The following TOB1 variants were observed in gnomAD, a reference collection of about 807,000 sequenced individuals.
The protein encoded by TOB1 is transducer of ERBB2, 1, also known as protein Tob1.
In TOB1, 2 loss-of-function variants were observed where a neutral mutation model predicts 22.9. The ratio of observed to expected loss-of-function variants is 0.09; its 90% CI spans 0.04 to 0.28. The LOEUF is 0.28. TOB1 is among the 10% of genes least tolerant of loss of function. TOB1 has a pLI of 1.00. For synonymous variants in TOB1, 154 were observed against 150.6 expected (o/e 1.02, Z -0.17); for missense variants, 299 against 420.5 (o/e 0.71, Z 2.53).
In TOB1 at chr17:50,862,627, A is replaced by C. The variant is rs1418173382; in HGVS notation, c.*353T>G. On this transcript the variant is annotated 3_prime_UTR_variant, in exon 2 of 2. Transcript: ENST00000499247. ...CATGTCGTAGAAACAATATATATAT[A>C]TCCTCTGATATTTTACAAACTTTGT... 5.7e-6 allele frequency: 1 copy of C among 176,150 alleles called. No homozygotes were observed. The highest frequency in any genetic ancestry group is 1.2e-5 in the Non-Finnish European group (1 of 84,086). The allele number at this position is 176,150 out of a possible 1,614,324, so 10.9% of individuals were successfully genotyped here. A position where few individuals can be genotyped will look rare whatever the true frequency, so the allele number is the denominator to read the frequency against.
At chr17:50,864,632 G>A (rs993327365) in intron 1 of TOB1, among the ~76,000 whole-genome samples, 6 of 152,072 alleles carry the variant, frequency 3.9e-5, no homozygotes, top group Non-Finnish European at 7.3e-5. Flanking sequence ...GATATATACT[G>A]TTTAAATCTG....
chr17:50,863,721 A>G lies in TOB1; in HGVS notation c.297T>C (p.Val99=), dbSNP rs773196834. 3.0e-5 allele frequency: 49 copies of G among 1,614,058 alleles called. 1 individual carries two copies. In the Middle Eastern group the frequency reaches 1.8e-3, roughly 60 times the overall value. The change falls in exon 2 of 2, where the codon GTT becomes GTC. Residue 99 remains valine (V), a synonymous_variant. Coordinates refer to ENST00000499247, the MANE Select transcript of TOB1 (RefSeq NM_005749.4). Reference sequence around the variant, plus strand: ...GTCCCTTTTCACCAATTTGGTAAGAAACCTCAAATGGGTCGATCCAAACAC... The same window carrying G: ...GTCCCTTTTCACCAATTTGGTAAGAGACCTCAAATGGGTCGATCCAAACAC... The part of the protein sequence containing the change: ...DLSVWIDPFE[V]SYQIGEKGPV...
intron 1 of TOB1, among the ~76,000 whole-genome samples, chr17:50,864,726 C>A (rs1230218377): frequency 6.6e-6 from 1 of 152,162 alleles, no homozygotes; most frequent in Non-Finnish European, 1.5e-5. Context: ...ATTAAAGACA[C>A]TGAGTACTAA....
chr17:50,863,003 A>G lies in TOB1; in HGVS notation c.1015T>C (p.Phe339Leu), dbSNP rs764958240. 1.7e-5 allele frequency: 28 copies of G among 1,612,600 alleles called. No homozygotes were observed. Among genetic ancestry groups the G allele is most frequent in the Non-Finnish European group, 2.3e-5 (27 of 1,179,128 alleles). Reference sequence around the variant, plus strand: ...TTTTAGTTAGCCATAACAGGCTGGAATTGCTGGTTAGAATACTGCATGTTA... The same window carrying G: ...TTTTAGTTAGCCATAACAGGCTGGAGTTGCTGGTTAGAATACTGCATGTTA... ...LNNMQYSNQQ[F>L]QPVMAN is the part of the protein sequence containing the mutation. The change falls in exon 2 of 2, where the codon TTC (phenylalanine) becomes CTC (leucine). Residue 339 changes from phenylalanine to leucine, a missense_variant. Coordinates refer to ENST00000499247, the MANE Select transcript of TOB1 (RefSeq NM_005749.4).
Position 50,863,273 on chromosome 17 carries a change from G to C in TOB1, c.745C>G (p.Pro249Ala). 1 of 1,613,440 alleles carries C rather than the reference G, an allele frequency of 6.2e-7. No homozygotes were observed. The highest frequency in any genetic ancestry group is 1.1e-5 in the South Asian group (1 of 91,060). The change falls in exon 2 of 2, where the codon CCG becomes GCG. Residue 249 changes from proline to alanine, a missense_variant. Coordinates refer to ENST00000499247, the MANE Select transcript of TOB1 (RefSeq NM_005749.4). ...TGTGGTGGTGGTGGTGGCGGTGGCG[G>C]CTGGGCTGGCTGCTGCTGTTGCTGT... is the stretch of plus-strand genomic sequence containing the variant. ...QPQQQQQPAQ[P>A]PPPPPPPQQQ...
upstream of TOB1, chr17:50,866,585 G>C (rs1972314505): frequency 6.6e-6 from 1 of 152,550 alleles, no homozygotes; most frequent in East Asian, 1.9e-4. Context: ...GGACGCAGGG[G>C]TGGGGAAGCC....
At chr17:50,867,049 G>T (rs1169596909), upstream of TOB1, 2 of 152,244 alleles carry the variant, frequency 1.3e-5, no homozygotes, top group African/African-American at 4.8e-5. Context: ...CGTGGAGCCG[G>T]GCTGGGGGTG....
intron 1 of TOB1, among the ~76,000 whole-genome samples, chr17:50,865,701 G>C (rs1014887266): frequency 6.6e-6 from 1 of 152,060 alleles, no homozygotes; most frequent in Non-Finnish European, 1.5e-5. Context: ...CAGAGCCTGG[G>C]GGAGCACCGG....
rs71149322 is a variant in TOB1 at position 50,864,056 on chromosome 17, CAAAAA to C, written c.-44_-40del. 0.026 allele frequency: 26,685 copies of C among 1,036,954 alleles called. 84 individuals are homozygous for C. The highest frequency in any genetic ancestry group is 0.13 in the South Asian group (4,139 of 32,154). The allele number at this position is 1,036,954 out of a possible 1,614,324, so 64.2% of individuals were successfully genotyped here. ...CAAAATTAGGTTTCAACTCCCCCAC[CAAAAA>C]AAAAAAAAAAAAAAAAAGATGTTCA... On this transcript the variant is annotated 5_prime_UTR_variant, in exon 2 of 2. Coordinates refer to ENST00000499247, the MANE Select transcript of TOB1 (RefSeq NM_005749.4).
Position 50,862,827 on chromosome 17 carries a change from A to C in TOB1, c.*153T>G, listed in dbSNP as rs1972233035. Reference sequence around the variant, plus strand: ...AAAATAACTTTGTGCTTGGTTGGCAAATGAAAAATGATGCATGTTTTATTA... The same window carrying C: ...AAAATAACTTTGTGCTTGGTTGGCACATGAAAAATGATGCATGTTTTATTA... On this transcript the variant is annotated 3_prime_UTR_variant, in exon 2 of 2. Coordinates refer to ENST00000499247, the MANE Select transcript of TOB1 (RefSeq NM_005749.4). The C allele has an allele frequency of 8.8e-7, 1 of 1,133,248 alleles. No homozygotes were observed. Among genetic ancestry groups the C allele is most frequent in the African/African-American group, 1.6e-5 (1 of 63,314 alleles). The allele number at this position is 1,133,248 out of a possible 1,614,324, so 70.2% of individuals were successfully genotyped here.
chr17:50,864,569 T>C (rs1425079671), intron 1 of TOB1, among the ~76,000 whole-genome samples: 2 of 152,144 alleles, frequency 1.3e-5, no homozygotes, highest in African/African-American at 4.8e-5. Flanking sequence ...TAGGTAGTAA[T>C]TTTTATTGTT....
chr17:50,862,511 A>G lies in TOB1; in HGVS notation c.*469T>C, dbSNP rs948536273. ...ATTTTTAGAATAGTTGATGTCTTTA[A>G]GATGGATATTTTACAATTTCAGTAA... is the stretch of plus-strand genomic sequence containing the variant. On this transcript the variant is annotated 3_prime_UTR_variant, in exon 2 of 2. Coordinates refer to ENST00000499247, the MANE Select transcript of TOB1 (RefSeq NM_005749.4). 1 of 153,112 alleles carries G rather than the reference A, an allele frequency of 6.5e-6. No homozygotes were observed. Among genetic ancestry groups the G allele is most frequent in the African/African-American group, 2.4e-5 (1 of 41,488 alleles). 9.5% of individuals were successfully genotyped at this position (153,112 alleles called of 1,614,324 possible).
Position 50,863,704 on chromosome 17 carries a change from T to C in TOB1, c.314A>G (p.Glu105Gly). Residue 105 changes from glutamate (E) to glycine (G), a missense_variant, in exon 2 of 2, where the codon GAA becomes GGA. Physicochemically the swap from Glu to Gly is moderately conservative, Grantham distance 98. Coordinates refer to ENST00000499247, the MANE Select transcript of TOB1 (RefSeq NM_005749.4). ...DPFEVSYQIG[E>G]KGPVKVLYVD... Reference sequence around the variant, plus strand: ...GTAAAGCACCTTCACTGGTCCCTTTTCACCAATTTGGTAAGAAACCTCAAA... The same window carrying C: ...GTAAAGCACCTTCACTGGTCCCTTTCCACCAATTTGGTAAGAAACCTCAAA... 1 of 1,614,212 alleles carries C rather than the reference T, an allele frequency of 6.2e-7. No homozygotes were observed. Among genetic ancestry groups the C allele is most frequent in the Non-Finnish European group, 8.5e-7 (1 of 1,180,040 alleles).
Position 50,866,334 on chromosome 17 carries a change from G to A in TOB1, c.-423C>T, listed in dbSNP as rs1972306946. On this transcript the variant is annotated 5_prime_UTR_variant, in exon 1 of 2. Transcript: ENST00000499247. ...CCCGTAGTGCGCCCGCTACACGCCG[G>A]GCCAGAGCTTCGCTCCTTCTGCCGC... 6.6e-6 allele frequency: 1 copy of A among 152,278 alleles called. No homozygotes were observed. The highest frequency in any genetic ancestry group is 2.1e-4 in the South Asian group (1 of 4,832). The allele number at this position is 152,278 out of a possible 1,614,324, so 9.4% of individuals were successfully genotyped here.
intron 1 of TOB1, among the ~76,000 whole-genome samples, chr17:50,865,003 C>T (rs1301371638): frequency 6.6e-6 from 1 of 152,150 alleles, no homozygotes; most frequent in Non-Finnish European, 1.5e-5. Context: ...TCCCTCTCTC[C>T]CTCCCTCCCT....
At position 50,862,734 on chromosome 17, in the gene TOB1, C is replaced by T. The variant is rs1249847627; in HGVS notation, c.*246G>A. On this transcript the variant is annotated 3_prime_UTR_variant, in exon 2 of 2. Transcript: ENST00000499247. ...TTTTATAAAAAAAAATCAGCCATGT[C>T]CTTGCTATATCTTAAATACTGTAAG... 1 of 417,284 alleles carries T rather than the reference C, an allele frequency of 2.4e-6. No homozygotes were observed. The highest frequency in any genetic ancestry group is 2.1e-5 in the African/African-American group (1 of 48,692). 25.8% of individuals were successfully genotyped at this position (417,284 alleles called of 1,614,324 possible). A position where few individuals can be genotyped will look rare whatever the true frequency, so the allele number is the denominator to read the frequency against.
In TOB1 at chr17:50,862,793, A is replaced by G; in HGVS notation, c.*187T>C. Reference sequence around the variant, plus strand: ...TCTGAGAGTATACTTTAAAATATACAGTCAGTATAAAATAACTTTGTGCTT... The same window carrying G: ...TCTGAGAGTATACTTTAAAATATACGGTCAGTATAAAATAACTTTGTGCTT... On this transcript the variant is annotated 3_prime_UTR_variant, in exon 2 of 2. Transcript: ENST00000499247. The G allele has an allele frequency of 1.3e-6, 1 of 746,776 alleles. No homozygotes were observed. Among genetic ancestry groups the G allele is most frequent in the Non-Finnish European group, 2.0e-6 (1 of 501,870 alleles). The allele number at this position is 746,776 out of a possible 1,614,324, so 46.3% of individuals were successfully genotyped here.
chr17:50,867,780 A>G (rs1972337330), upstream of TOB1: 1 of 152,226 alleles, frequency 6.6e-6, no homozygotes, highest in African/African-American at 2.4e-5. Flanking sequence ...TCAACCTGCT[A>G]TAAGGAAGTT....
upstream of TOB1, chr17:50,866,483 G>A (rs1015263860): frequency 2.0e-5 from 3 of 151,696 alleles, no homozygotes; most frequent in East Asian, 1.9e-4. Context: ...CTCCCCGCCC[G>A]GCACCCCGGT....
Sources: gnomAD v4.1 joint callset for allele counts (sites outside exome capture counted in the v4.1 genomes callset) on GRCh38, gnomAD v4.1.1 for gene constraint, MANE v1.5 for transcripts, NCBI Gene and HGNC (gene_info 2026-07-23, HGNC 2026-07-21) for gene names.